The following CLSTN2 variants were observed in gnomAD, a reference collection of about 807,000 sequenced individuals.
CLSTN2 encodes the protein calsyntenin-2.
In CLSTN2, 48 loss-of-function variants were observed where a neutral mutation model predicts 101.2. The observed-to-expected ratio is 0.47, with a 90% CI of 0.38 to 0.60. CLSTN2 has a LOEUF of 0.60. Ranked by LOEUF, CLSTN2 falls within the 20% of genes least tolerant of loss-of-function variation. The pLI, the probability that CLSTN2 is intolerant of heterozygous loss-of-function variation, is 0.00. For synonymous variants in CLSTN2, 481 were observed against 463.6 expected (o/e 1.04, Z -0.48); for missense variants, 1,160 against 1,238.2 (o/e 0.94, Z 0.95).
rs1170994438 is a variant in CLSTN2 at position 140,566,140 on chromosome 3, T to A, written c.2755T>A (p.Ser919Thr). The change falls in exon 17 of 17, where the codon TCT becomes ACT. Residue 919 changes from serine to threonine, a missense_variant. Coordinates refer to ENST00000458420, the MANE Select transcript of CLSTN2 (RefSeq NM_022131.3). ...AEEEMSSSSG[S>T]DDSEEEEEEE... ...GGAAGAAATGAGCTCCAGCAGTGGC[T>A]CTGACGACAGCGAAGAGGAGGAGGA... 1 of 1,612,510 alleles carries A rather than the reference T, an allele frequency of 6.2e-7. No homozygotes were observed. Among genetic ancestry groups the A allele is most frequent in the Admixed American group, 1.7e-5 (1 of 59,988 alleles).
chr3:140,190,305 C>G (rs1484138394), intron 2 of CLSTN2, among the ~76,000 whole-genome samples: 1 of 151,998 alleles, frequency 6.6e-6, no homozygotes, highest in Non-Finnish European at 1.5e-5. Context: ...ATTATATAGT[C>G]TTGATTACTG....
At chr3:140,275,130 T>C (rs570696710) in intron 2 of CLSTN2, among the ~76,000 whole-genome samples, 129 of 152,244 alleles carry the variant, frequency 8.5e-4, no homozygotes, top group African/African-American at 3.1e-3. Context: ...TCGGGGCAAC[T>C]CCGAGATTTA....
At chr3:140,014,945 C>T (rs754665117) in intron 1 of CLSTN2, among the ~76,000 whole-genome samples, 1 of 152,204 alleles carries the variant, frequency 6.6e-6, no homozygotes, top group Non-Finnish European at 1.5e-5. Flanking sequence ...GAAAGTTCTG[C>T]TTACAAGCTA....
At chr3:140,257,777 T>C (rs1281882115) in intron 2 of CLSTN2, among the ~76,000 whole-genome samples, 1 of 152,176 alleles carries the variant, frequency 6.6e-6, no homozygotes, top group Non-Finnish European at 1.5e-5. Flanking sequence ...GTTTCTAAAC[T>C]TTGCTGATAT....
intron 1 of CLSTN2, among the ~76,000 whole-genome samples, chr3:140,039,163 C>A (rs1157048676): frequency 6.6e-6 from 1 of 152,166 alleles, no homozygotes; most frequent in Non-Finnish European, 1.5e-5. Context: ...ACCTGGATAT[C>A]TTTATGCCCA....
intron 2 of CLSTN2, among the ~76,000 whole-genome samples, chr3:140,327,792 C>T (rs960226068): frequency 2.0e-5 from 3 of 152,200 alleles, no homozygotes; most frequent in African/African-American, 7.2e-5. Context: ...TTTCTTGCCA[C>T]TCATCTTTAA....
chr3:140,271,621 C>T (rs2086742764), intron 2 of CLSTN2, among the ~76,000 whole-genome samples: 1 of 152,138 alleles, frequency 6.6e-6, no homozygotes, highest in African/African-American at 2.4e-5. Context: ...GGGCACTAAT[C>T]CCATTCAGAA....
chr3:140,212,292 C>G (rs891955039), intron 2 of CLSTN2, among the ~76,000 whole-genome samples: 1 of 152,166 alleles, frequency 6.6e-6, no homozygotes, highest in African/African-American at 2.4e-5. Context: ...GAGTTTACAG[C>G]CCTAGGGGAG....
At chr3:140,382,462 G>A (rs143393791) in intron 2 of CLSTN2, among the ~76,000 whole-genome samples, 192 of 152,328 alleles carry the variant, frequency 1.3e-3, no homozygotes, top group African/African-American at 3.8e-3. Context: ...TGTACTTTCA[G>A]TTAATTTATA....
chr3:140,353,345 C>A (rs952052676), intron 2 of CLSTN2, among the ~76,000 whole-genome samples: 2 of 151,984 alleles, frequency 1.3e-5, no homozygotes, highest in Non-Finnish European at 2.9e-5. Context: ...AAAGCCAGTC[C>A]AAGTTCCAAA....
At chr3:139,971,169 A>T (rs890989008) in intron 1 of CLSTN2, among the ~76,000 whole-genome samples, 2 of 152,222 alleles carry the variant, frequency 1.3e-5, no homozygotes, top group African/African-American at 4.8e-5. Flanking sequence ...GTTAAATGAA[A>T]TGCCTACAGA....
At chr3:140,011,237 C>G (rs1271965355) in intron 1 of CLSTN2, among the ~76,000 whole-genome samples, 2 of 152,162 alleles carry the variant, frequency 1.3e-5, no homozygotes, top group Non-Finnish European at 2.9e-5. Context: ...GGCATTTTGT[C>G]TACATAATGA....
intron 1 of CLSTN2, among the ~76,000 whole-genome samples, chr3:140,051,697 A>C (rs897962718): frequency 1.3e-5 from 2 of 152,182 alleles, no homozygotes; most frequent in Non-Finnish European, 2.9e-5. Flanking sequence ...TCAAAACACT[A>C]TTGAGGCTGG....
chr3:140,560,092 T>C (rs1935879051), intron 12 of CLSTN2, among the ~76,000 whole-genome samples: 1 of 152,196 alleles, frequency 6.6e-6, no homozygotes, highest in South Asian at 2.1e-4. Flanking sequence ...GAAGAGCAAT[T>C]ATCTGGGTTC....
chr3:140,498,491 G>A (rs536167752), intron 8 of CLSTN2, among the ~76,000 whole-genome samples: 6 of 152,304 alleles, frequency 3.9e-5, no homozygotes, highest in Admixed American at 6.5e-5. Context: ...AGATGGTGCC[G>A]AGCTCAGAGG....
intron 6 of CLSTN2, among the ~76,000 whole-genome samples, chr3:140,453,865 C>T (rs1349195655): frequency 6.6e-6 from 1 of 152,070 alleles, no homozygotes; most frequent in African/African-American, 2.4e-5. Context: ...TCTAGTGCAC[C>T]TTGCAGCTCA....
intron 6 of CLSTN2, among the ~76,000 whole-genome samples, chr3:140,453,035 T>C (rs913263637): frequency 8.5e-5 from 13 of 152,242 alleles, no homozygotes; most frequent in African/African-American, 2.9e-4. Context: ...GTGAGACCTC[T>C]TGGCCAAATT....
rs141120664 is a variant in CLSTN2 at position 140,421,195 on chromosome 3, C to G, written c.708C>G (p.Tyr236Ter). The G allele has an allele frequency of 6.2e-7, 1 of 1,614,176 alleles. No individual in the cohort carries two copies. The highest frequency in any genetic ancestry group is 2.2e-5 in the East Asian group (1 of 44,884). Residue 236 changes from tyrosine (Y) to a stop codon, truncating the protein, a stop_gained, in exon 5 of 17, where the codon TAC becomes TAG. Transcript: ENST00000458420. LOFTEE classifies it high-confidence loss of function. ...QHQYEILVTAYDCGQKPAAQD... is the reference protein window; with the variant it reads ...QHQYEILVTA ...AGTATGAGATCCTGGTGACCGCCTA[C>G]GACTGTGGACAGAAGCCCGCTGCTC...
At chr3:140,295,064 C>T (rs137991506) in intron 2 of CLSTN2, among the ~76,000 whole-genome samples, 6 of 152,236 alleles carry the variant, frequency 3.9e-5, no homozygotes, top group South Asian at 2.1e-4. Flanking sequence ...CACAGACATT[C>T]GGTCCATAAT....
Sources: gnomAD v4.1 joint callset for allele counts (sites outside exome capture counted in the v4.1 genomes callset) on GRCh38, gnomAD v4.1.1 for gene constraint, MANE v1.5 for transcripts, NCBI Gene and HGNC (gene_info 2026-07-23, HGNC 2026-07-21) for gene names.